The following ATXN3 variants were observed in gnomAD, a reference collection of about 807,000 sequenced individuals.
ATXN3 encodes ataxin-3.
ATXN3 carries 28 observed loss-of-function variants against 58.2 expected under a neutral mutation model. The observed-to-expected ratio is 0.48, with a 90% CI of 0.36 to 0.66. The LOEUF (loss-of-function observed/expected upper bound fraction) is 0.66. Among genes scored for constraint, ATXN3 ranks in the 30% least tolerant of loss-of-function variants. The pLI is 0.00. For missense variants in ATXN3, 321 were observed against 422.1 expected, an observed-to-expected ratio of 0.76 and a Z score of 2.10; for synonymous variants, 113 against 138.5, an observed-to-expected ratio of 0.82 and a Z score of 1.29.
At chr14:92,099,768 G>A (rs2066306088) in intron 1 of ATXN3, among the ~76,000 whole-genome samples, 2 of 152,126 alleles carry the variant, frequency 1.3e-5, no homozygotes, top group African/African-American at 4.8e-5. Context: ...TTGGGAGGCT[G>A]AGAAAGGAGG....
intron 10 of ATXN3, among the ~76,000 whole-genome samples, chr14:92,067,118 C>G (rs1242806570): frequency 6.6e-6 from 1 of 151,792 alleles, no homozygotes; most frequent in Non-Finnish European, 1.5e-5. Context: ...TGTACCCCTT[C>G]CTTCTGGCCT....
At position 92,096,836 on chromosome 14, in the gene ATXN3, T is replaced by C. The variant is rs758952886; in HGVS notation, c.27A>G (p.Gln9=). Residue 9 remains glutamine, a splice_region_variant and synonymous_variant, in exon 2 of 11, where the codon CAA becomes CAG. Transcript: ENST00000644486. MESIFHEK[Q]EGSLCAQHCL... The stretch of plus-strand genomic sequence containing the variant: ...AATGTTGAGCACAAAGTGAGCCTTC[T>C]TGCTAATATTTCCAAAAGAAAAAAT... The C allele has an allele frequency of 5.0e-6, 8 of 1,613,106 alleles. No homozygotes were observed. Among genetic ancestry groups the C allele is most frequent in the African/African-American group, 2.7e-5 (2 of 74,894 alleles).
At chr14:92,084,228 C>G (rs993333691) in intron 6 of ATXN3, among the ~76,000 whole-genome samples, 61 of 152,166 alleles carry the variant, frequency 4.0e-4, no homozygotes, top group African/African-American at 1.3e-3. Context: ...CTCTAGAGAA[C>G]CCTAATACAC....
rs2057985727 is a variant in ATXN3 at position 92,064,186 on chromosome 14, C to T, written c.*134G>A. On this transcript the variant is annotated 3_prime_UTR_variant, in exon 11 of 11. Transcript: ENST00000644486. ...ACAACCGACGCATTGTTCCACTTTC[C>T]CATCATTTTGTTTGCAAACCGCTAA... 7.1e-6 allele frequency: 4 copies of T among 560,904 alleles called. No homozygotes were observed. Among genetic ancestry groups the T allele is most frequent in the South Asian group, 3.1e-5 (1 of 32,478 alleles). The allele number at this position is 560,904 out of a possible 1,614,324, so 34.7% of individuals were successfully genotyped here.
At chr14:92,052,311 A>G (rs930133061), upstream of ATXN3, among the ~76,000 whole-genome samples, 1 of 151,894 alleles carries the variant, frequency 6.6e-6, no homozygotes, top group African/African-American at 2.4e-5. Flanking sequence ...CCTGACCAAC[A>G]TGGAGAAACC....
At chr14:92,102,536 T>C (rs2067076887) in intron 1 of ATXN3, among the ~76,000 whole-genome samples, 1 of 152,132 alleles carries the variant, frequency 6.6e-6, no homozygotes, top group South Asian at 2.1e-4. Flanking sequence ...AAACCTAAGG[T>C]GCTCTCGGGA....
chr14:92,053,160 G>A (rs8019051), upstream of ATXN3, among the ~76,000 whole-genome samples: 51,452 of 152,064 alleles, frequency 0.34, 9,646 homozygotes, highest in Admixed American at 0.51. Flanking sequence ...TGAAGCAGGA[G>A]AATTGCTTGA....
chr14:92,066,747 A>G (rs2058513583), intron 10 of ATXN3, among the ~76,000 whole-genome samples: 3 of 150,202 alleles, frequency 2.0e-5, no homozygotes, highest in African/African-American at 7.4e-5. Flanking sequence ...AGCTGGGACT[A>G]TAGGCGCCCA....
Position 92,063,465 on chromosome 14 carries a change from A to G in ATXN3, c.*855T>C, listed in dbSNP as rs2057921771. 6.6e-6 allele frequency: 1 copy of G among 152,216 alleles called. No homozygotes were observed. The highest frequency in any genetic ancestry group is 2.1e-4 in the South Asian group (1 of 4,832). 9.4% of individuals were successfully genotyped at this position (152,216 alleles called of 1,614,324 possible). On this transcript the variant is annotated 3_prime_UTR_variant, in exon 11 of 11. Transcript: ENST00000644486. ...TACTATGCTTCTCCTAGTTTTCTCA[A>G]TTGGAGAAGAAAGGAAAAAATAAGG...
intron 1 of ATXN3, among the ~76,000 whole-genome samples, chr14:92,099,213 G>C (rs2066126683): frequency 6.6e-6 from 1 of 152,086 alleles, no homozygotes; most frequent in Admixed American, 6.5e-5. Flanking sequence ...AATTTGTCCT[G>C]AGCTATGTCA....
chr14:92,093,413 GA>G, intron 4 of ATXN3, 95 bp from the exon 5 acceptor site: 1 of 710,942 alleles, frequency 1.4e-6, no homozygotes, highest in Non-Finnish European at 2.3e-6. Flanking sequence ...GATAATTTAA[GA>G]TTATATTTAT....
intron 5 of ATXN3, among the ~76,000 whole-genome samples, chr14:92,092,703 G>T (rs961118222): frequency 6.6e-6 from 1 of 151,804 alleles, no homozygotes; most frequent in Non-Finnish European, 1.5e-5. Context: ...GCATATACTT[G>T]TCACAAATAA....
intron 8 of ATXN3, among the ~76,000 whole-genome samples, chr14:92,081,550 T>G (rs1182278657): frequency 6.7e-6 from 1 of 148,906 alleles, no homozygotes; most frequent in African/African-American, 2.5e-5. Context: ...CCAGCAGGAC[T>G]CTATTAATCA....
At chr14:92,081,465 C>CAAAAAAAAA (rs58398762) in intron 8 of ATXN3, among the ~76,000 whole-genome samples, 4 of 82,976 alleles carry the variant, frequency 4.8e-5, no homozygotes, top group Non-Finnish European at 7.4e-5. Flanking sequence ...GACTCTGACT[C>CAAAAAAAAA]AAAAAAAAAA....
chr14:92,082,564 C>T (rs941876705), intron 7 of ATXN3, 98 bp from the exon 8 acceptor site: 1 of 1,146,976 alleles, frequency 8.7e-7, no homozygotes, highest in South Asian at 2.1e-5. Flanking sequence ...TAAGTCAAAA[C>T]TTAAAATGTT....
chr14:92,074,421 G>A (rs1481302498), intron 9 of ATXN3, among the ~76,000 whole-genome samples: 2 of 152,222 alleles, frequency 1.3e-5, no homozygotes, highest in African/African-American at 2.4e-5. Flanking sequence ...GGAGATGCCA[G>A]TCCCAAAATT....
At chr14:92,089,590 G>C (rs1427548785) in intron 5 of ATXN3, among the ~76,000 whole-genome samples, 3 of 151,336 alleles carry the variant, frequency 2.0e-5, no homozygotes, top group African/African-American at 7.3e-5. Flanking sequence ...CGCCCGCCTA[G>C]GCCTCCCAAA....
chr14:92,102,521 G>C (rs2067072894), intron 1 of ATXN3, among the ~76,000 whole-genome samples: 1 of 152,120 alleles, frequency 6.6e-6, no homozygotes, highest in African/African-American at 2.4e-5. Flanking sequence ...ACACAAATCA[G>C]GTATAAACCT....
At chr14:92,079,487 A>G in intron 9 of ATXN3, 2 of 961,260 alleles carry the variant, frequency 2.1e-6, no homozygotes, top group Non-Finnish European at 2.5e-6. Flanking sequence ...CAAAACAGAA[A>G]AAAAGGTAAA....
Sources: allele counts gnomAD v4.1 joint callset (sites outside exome capture counted in the v4.1 genomes callset), GRCh38; gene constraint gnomAD v4.1.1; transcripts MANE v1.5; gene names NCBI Gene and HGNC (gene_info 2026-07-23, HGNC 2026-07-21).